KHDC1: variants seen among roughly 807,000 people sequenced by gnomAD.
KHDC1 encodes KH domain containing 1, also known as KH homology domain-containing protein 1.
KHDC1 carries 21 observed loss-of-function variants against 24.7 expected under a neutral mutation model. The observed-to-expected ratio is 0.85, with a 90% CI of 0.60 to 1.23. KHDC1 has a LOEUF of 1.23. Among genes scored for constraint, KHDC1 ranks in the 50% most tolerant of loss-of-function variants. KHDC1 has a pLI of 0.00. For missense variants in KHDC1, 274 were observed against 298.5 expected, an observed-to-expected ratio of 0.92 and a Z score of 0.61; for synonymous variants, 98 against 111.7, an observed-to-expected ratio of 0.88 and a Z score of 0.77.
At chr6:73,276,869 TA>T (rs1767308487) in intron 2 of KHDC1, among the ~76,000 whole-genome samples, 1 of 152,172 alleles carries the variant, frequency 6.6e-6, no homozygotes, top group African/African-American at 2.4e-5. Flanking sequence ...TGAGTTATAA[TA>T]AAAAATAAAT....
At chr6:73,253,911 A>T (rs1256361444) in intron 2 of KHDC1, among the ~76,000 whole-genome samples, 1 of 152,162 alleles carries the variant, frequency 6.6e-6, no homozygotes, top group Non-Finnish European at 1.5e-5. Flanking sequence ...GTCTCCAACA[A>T]CAACAGCAAC....
At chr6:73,246,978 T>C (rs1292693946) in intron 2 of KHDC1, among the ~76,000 whole-genome samples, 1 of 152,106 alleles carries the variant, frequency 6.6e-6, no homozygotes, top group African/African-American at 2.4e-5. Flanking sequence ...GTCAACTTTT[T>C]TTTTTCTGTT....
chr6:73,243,982 T>A (rs772956866), intron 2 of KHDC1, among the ~76,000 whole-genome samples: 1 of 152,156 alleles, frequency 6.6e-6, no homozygotes, highest in South Asian at 2.1e-4. Context: ...ATTATTCCTA[T>A]TACTGGAATT....
chr6:73,252,654 T>TA (rs767494906), intron 2 of KHDC1, among the ~76,000 whole-genome samples: 1,500 of 141,708 alleles, frequency 0.011, 8 homozygotes, highest in Middle Eastern at 0.036. Context: ...CTTCAAAAGA[T>TA]AAAAAAAAAA....
intron 2 of KHDC1, 166 bp from the exon 2 acceptor site, chr6:73,242,696 C>G: frequency 3.9e-6 from 3 of 759,734 alleles, no homozygotes; most frequent in Non-Finnish European, 6.2e-6. Context: ...TAATTCATTC[C>G]AAGTAATTAT....
intron 1 of KHDC1, chr6:73,309,439 G>T: frequency 9.3e-7 from 1 of 1,076,948 alleles, no homozygotes; most frequent in Non-Finnish European, 1.3e-6. Flanking sequence ...ACTGTCCTAG[G>T]CCTTCAGACT....
At chr6:73,302,300 TAAAAG>T (rs1197212940) in intron 1 of KHDC1, among the ~76,000 whole-genome samples, 8 of 151,904 alleles carry the variant, frequency 5.3e-5, no homozygotes, top group African/African-American at 1.4e-4. Context: ...AAAAAATAGA[TAAAAG>T]AAAAGAAAAG....
chr6:73,241,849 A>G, intron 4 of KHDC1, 121 bp from the exon 4 acceptor site: 1 of 1,175,668 alleles, frequency 8.5e-7, no homozygotes, highest in Non-Finnish European at 1.2e-6. Flanking sequence ...CTTCCAAGGT[A>G]GCCCATTTAC....
chr6:73,283,918 C>A (rs956925992), intron 2 of KHDC1, among the ~76,000 whole-genome samples: 13 of 151,824 alleles, frequency 8.6e-5, no homozygotes, highest in African/African-American at 3.1e-4. Context: ...CCCACTCCAC[C>A]CTTCATCCTC....
intron 2 of KHDC1, among the ~76,000 whole-genome samples, chr6:73,262,505 C>T (rs1343220337): frequency 6.6e-6 from 1 of 152,308 alleles, no homozygotes; most frequent in African/African-American, 2.4e-5. Flanking sequence ...ATATCCAGCA[C>T]AATAGTTTAC....
chr6:73,289,556 C>G (rs183080197), intron 2 of KHDC1, among the ~76,000 whole-genome samples: 1 of 151,378 alleles, frequency 6.6e-6, no homozygotes, highest in African/African-American at 2.4e-5. Context: ...GAGGCTGACA[C>G]ATGAGAATCA....
At chr6:73,254,522 G>A (rs950048129) in intron 2 of KHDC1, among the ~76,000 whole-genome samples, 1 of 150,846 alleles carries the variant, frequency 6.6e-6, no homozygotes, top group Admixed American at 6.6e-5. Flanking sequence ...AAAAGACTAC[G>A]TAGCTATAAG....
At chr6:73,257,613 G>A (rs927814737) in intron 2 of KHDC1, among the ~76,000 whole-genome samples, 2 of 151,874 alleles carry the variant, frequency 1.3e-5, no homozygotes, top group African/African-American at 4.8e-5. Flanking sequence ...TGGCCAGGAT[G>A]GTCTCAATCT....
At chr6:73,261,460 T>A (rs969970988) in intron 2 of KHDC1, among the ~76,000 whole-genome samples, 4 of 151,034 alleles carry the variant, frequency 2.6e-5, no homozygotes, top group African/African-American at 9.8e-5. Context: ...AATAAAATTT[T>A]TTTTAAAAAA....
At chr6:73,249,297 T>C (rs1454169700) in intron 2 of KHDC1, among the ~76,000 whole-genome samples, 1 of 152,046 alleles carries the variant, frequency 6.6e-6, no homozygotes, top group Non-Finnish European at 1.5e-5. Flanking sequence ...AAAAAAATTA[T>C]ATTCAACATT....
chr6:73,293,530 C>T (rs1023705807), intron 1 of KHDC1, among the ~76,000 whole-genome samples: 6 of 152,112 alleles, frequency 3.9e-5, no homozygotes, highest in South Asian at 2.1e-4. Context: ...CCATGATCCC[C>T]GCACTTTGGG....
intron 1 of KHDC1, among the ~76,000 whole-genome samples, chr6:73,293,713 C>A (rs760907468): frequency 3.0e-4 from 46 of 151,744 alleles, no homozygotes; most frequent in Non-Finnish European, 6.3e-4. Context: ...CAAGTGTAAT[C>A]CCAGCCATAG....
At chr6:73,263,043 GGCGGCGGCGGCGGCGGCGGCGGCGGCA>G (rs1041596223) in intron 2 of KHDC1, 10 of 948,066 alleles carry the variant, frequency 1.1e-5, no homozygotes, top group South Asian at 4.1e-5. Context: ...TGAGTAGGGC[GGCGGCGGCGGCGGCGGCGGCGGCGGCA>G]GCGGCGGCAG....
At chr6:73,263,362 G>T in intron 2 of KHDC1, 166 bp from the exon 1 acceptor site, 1 of 857,548 alleles carries the variant, frequency 1.2e-6, no homozygotes, top group Non-Finnish European at 1.4e-6. Flanking sequence ...GGACGAGCCA[G>T]TGGCAATGAC....
Sources: gnomAD v4.1 joint callset for allele counts (sites outside exome capture counted in the v4.1 genomes callset) on GRCh38, gnomAD v4.1.1 for gene constraint, MANE v1.5 for transcripts, NCBI Gene and HGNC (gene_info 2026-07-23, HGNC 2026-07-21) for gene names.